Variants in YY1 observed in about 807,000 individuals in gnomAD.
YY1 encodes transcriptional repressor protein YY1.
YY1 carries 2 observed loss-of-function variants against 35.6 expected under a neutral mutation model. The ratio of observed to expected loss-of-function variants is 0.06; its 90% CI spans 0.02 to 0.18. The LOEUF is 0.18. Ranked by LOEUF, YY1 falls within the 10% of genes least tolerant of loss-of-function variation. The pLI is 1.00. For synonymous variants in YY1, 268 were observed against 238.9 expected, an observed-to-expected ratio of 1.12 and a Z score of -1.12; for missense variants, 322 against 573.4, an observed-to-expected ratio of 0.56 and a Z score of 4.48.
intron 1 of YY1, among the ~76,000 whole-genome samples, chr14:100,252,250 C>T (rs910998396): frequency 6.6e-6 from 1 of 152,176 alleles, no homozygotes; most frequent in Non-Finnish European, 1.5e-5. Flanking sequence ...AGTCTACAAA[C>T]TCAGTCTTAT....
At chr14:100,252,142 GGT>G (rs1305481367) in intron 1 of YY1, among the ~76,000 whole-genome samples, 1 of 152,176 alleles carries the variant, frequency 6.6e-6, no homozygotes, top group African/African-American at 2.4e-5. Flanking sequence ...GTGGAGGGCA[GGT>G]GAGACTCCAT....
Position 100,277,071 on chromosome 14 carries a change from T to C in YY1, c.1063-347T>C, listed in dbSNP as rs932782904. 9.1e-6 allele frequency: 4 copies of C among 440,996 alleles called. No homozygotes were observed. The highest frequency in any genetic ancestry group is 1.7e-5 in the Non-Finnish European group (4 of 241,166). 27.3% of individuals were successfully genotyped at this position (440,996 alleles called of 1,614,324 possible). On this transcript the variant is annotated intron_variant, in intron 4 of 4. Transcript: ENST00000262238. The surrounding 1 kb of genome is among the most constrained non-coding windows in gnomAD (Gnocchi z 5.6). ...TAAGTGAAAGAACTAGCAGTGCAGC[T>C]AGTAAATCTAACGTGGTTCTTTTTT...
Position 100,281,061 on chromosome 14 carries a change from CAAAAAAAAAAA to C in YY1, c.*3477_*3487del, listed in dbSNP as rs36009825. On this transcript the variant is annotated 3_prime_UTR_variant, in exon 5 of 5. Transcript: ENST00000262238. Reference sequence around the variant, plus strand: ...GGTGACAGAGCAAGACTCCGTCTCCCAAAAAAAAAAAAAAAAAAAAAAAAAAGGAAACCTGA... The same window carrying C: ...GGTGACAGAGCAAGACTCCGTCTCCCAAAAAAAAAAAAAAAGGAAACCTGA... 2 of 100,882 alleles carry C rather than the reference CAAAAAAAAAAA, an allele frequency of 2.0e-5. No homozygotes were observed. Among genetic ancestry groups the C allele is most frequent in the African/African-American group, 9.7e-5 (2 of 20,574 alleles). The allele number at this position is 100,882 out of a possible 1,614,324, so 6.2% of individuals were successfully genotyped here. A position where few individuals can be genotyped will look rare whatever the true frequency, so the allele number is the denominator to read the frequency against.
chr14:100,256,861 C>T (rs1043171054), intron 1 of YY1, among the ~76,000 whole-genome samples: 1 of 133,838 alleles, frequency 7.5e-6, no homozygotes, highest in Non-Finnish European at 1.6e-5. Context: ...TATTTTACCA[C>T]AATTTTTTTT....
Position 100,276,463 on chromosome 14 carries a change from C to T in YY1, c.904-27C>T, listed in dbSNP as rs747434639. The T allele has an allele frequency of 1.2e-6, 2 of 1,614,154 alleles. No individual in the cohort carries two copies. Among genetic ancestry groups the T allele is most frequent in the Admixed American group, 3.3e-5 (2 of 60,016 alleles). Reference sequence around the variant, plus strand: ...CCTTTCTAACAGTTTGCAATGTGAACTTCTAAGCTGCTTTCTCTGTTTTAA... The same window carrying T: ...CCTTTCTAACAGTTTGCAATGTGAATTTCTAAGCTGCTTTCTCTGTTTTAA... On this transcript the variant is annotated intron_variant, in intron 3 of 4. Coordinates refer to ENST00000262238, the MANE Select transcript of YY1 (RefSeq NM_003403.5). This position sits in a 1 kb window ranked among gnomAD's most constrained non-coding sequence, Gnocchi z 4.1.
At chr14:100,260,288 G>A (rs1738399356) in intron 1 of YY1, among the ~76,000 whole-genome samples, 1 of 151,358 alleles carries the variant, frequency 6.6e-6, no homozygotes, top group African/African-American at 2.4e-5. Context: ...TGTTGGCCAG[G>A]CTGGTCTTGA....
chr14:100,275,095 C>G (rs1426520178), intron 3 of YY1, among the ~76,000 whole-genome samples: 3 of 152,076 alleles, frequency 2.0e-5, no homozygotes, highest in Non-Finnish European at 4.4e-5. Context: ...AGGCTTGTAA[C>G]TGAAATTTGA....
chr14:100,259,335 G>A (rs2400876), intron 1 of YY1, among the ~76,000 whole-genome samples: 100,228 of 151,940 alleles, frequency 0.66, 33,592 homozygotes, highest in South Asian at 0.81. Context: ...CCTGGCCAAC[G>A]TGGTGAAACC....
At chr14:100,262,918 A>AT (rs1166853795) in intron 2 of YY1, among the ~76,000 whole-genome samples, 2 of 148,032 alleles carry the variant, frequency 1.4e-5, no homozygotes, top group East Asian at 4.0e-4. Flanking sequence ...TTTATTTTTT[A>AT]TTTTTTTGAG....
At chr14:100,275,242 T>C (rs76197595) in intron 3 of YY1, among the ~76,000 whole-genome samples, 1,650 of 152,290 alleles carry the variant, frequency 0.011, 35 homozygotes, top group African/African-American at 0.037. Context: ...TTTGAGATAT[T>C]TGTTGGGGGC....
chr14:100,267,520 C>G (rs1216536700), intron 2 of YY1, among the ~76,000 whole-genome samples: 2 of 134,574 alleles, frequency 1.5e-5, no homozygotes, highest in Non-Finnish European at 3.1e-5. Context: ...CATCCACATT[C>G]TACATAGTAG....
intron 1 of YY1, among the ~76,000 whole-genome samples, chr14:100,247,487 T>C (rs1270446398): frequency 6.6e-6 from 1 of 151,900 alleles, no homozygotes; most frequent in Non-Finnish European, 1.5e-5. Flanking sequence ...GCTCAAGCAG[T>C]CCTCCTGCCT....
intron 1 of YY1, among the ~76,000 whole-genome samples, chr14:100,251,626 G>C (rs147050001): frequency 2.1e-4 from 32 of 152,228 alleles, no homozygotes; most frequent in Non-Finnish European, 4.0e-4. Context: ...CCTAGGAGAG[G>C]GGGGAAGTGG....
intron 2 of YY1, among the ~76,000 whole-genome samples, chr14:100,265,158 G>A (rs1011822952): frequency 7.9e-5 from 12 of 152,022 alleles, no homozygotes; most frequent in Admixed American, 3.9e-4. Context: ...TGGGTGGATC[G>A]CCTGAGGTCA....
At chr14:100,245,756 G>A (rs1192090262) in intron 1 of YY1, among the ~76,000 whole-genome samples, 2 of 152,004 alleles carry the variant, frequency 1.3e-5, no homozygotes, top group African/African-American at 4.8e-5. Context: ...ACAGACGTGT[G>A]CCACCATGCC....
chr14:100,249,160 C>T lies in YY1; in HGVS notation c.679+9237C>T, dbSNP rs565334666. On this transcript the variant is annotated intron_variant, in intron 1 of 4. Coordinates refer to ENST00000262238, the MANE Select transcript of YY1 (RefSeq NM_003403.5). Reference sequence around the variant, plus strand: ...TGGGAGACAGAGTTTTGCTCTGTTGCCCAGGCTGGAGTTCAGTGGCACGAT... The same window carrying T: ...TGGGAGACAGAGTTTTGCTCTGTTGTCCAGGCTGGAGTTCAGTGGCACGAT... Among the ~76,000 whole-genome samples the T allele has an allele frequency of 4.5e-5, 5 of 110,130 alleles. No homozygotes were observed. In the South Asian group the frequency reaches 1.4e-3, roughly 32 times the overall value. The allele number at this position is 110,130 out of a possible 152,430, so 72.2% of individuals were successfully genotyped here. A position where few individuals can be genotyped will look rare whatever the true frequency, so the allele number is the denominator to read the frequency against.
intron 1 of YY1, among the ~76,000 whole-genome samples, chr14:100,245,080 G>T (rs1403224007): frequency 6.6e-6 from 1 of 151,868 alleles, no homozygotes; most frequent in Non-Finnish European, 1.5e-5. Flanking sequence ...GGAACTACAG[G>T]CGCCCGCTGC....
At chr14:100,262,596 C>A in intron 2 of YY1, 130 bp downstream of exon 2, 2 of 1,034,542 alleles carry the variant, frequency 1.9e-6, no homozygotes, top group Non-Finnish European at 2.9e-6. Flanking sequence ...AAAACAAAAG[C>A]AGTCAGTTTT....
intron 1 of YY1, among the ~76,000 whole-genome samples, chr14:100,248,121 C>CTTTCTTTT (rs1555369345): frequency 1.5e-4 from 18 of 117,630 alleles, no homozygotes; most frequent in South Asian, 8.5e-4. Flanking sequence ...ATTTTTTTTT[C>CTTTCTTTT]TTTTTTTTTT....
Sources: allele counts gnomAD v4.1 joint callset (sites outside exome capture counted in the v4.1 genomes callset), GRCh38; gene constraint gnomAD v4.1.1; non-coding constraint Gnocchi (gnomAD v3.1); transcripts MANE v1.5; gene names NCBI Gene and HGNC (gene_info 2026-07-23, HGNC 2026-07-21).